The following USP7 variants were observed in gnomAD, a reference collection of about 807,000 sequenced individuals.
USP7 encodes ubiquitin specific peptidase 7.
Under a neutral mutation model 162.9 loss-of-function variants are expected in USP7, and 9 were observed. That is an observed-to-expected ratio of 0.06 (90% confidence interval 0.03 to 0.10). The LOEUF is 0.10. USP7 is among the 10% of genes least tolerant of loss of function. USP7 has a pLI of 1.00. For synonymous variants in USP7, 562 were observed against 475.9 expected, an observed-to-expected ratio of 1.18 and a Z score of -2.35; for missense variants, 715 against 1,373.7, an observed-to-expected ratio of 0.52 and a Z score of 7.58.
chr16:8,900,053 C>G (rs920293119), intron 21 of USP7: 1 of 470,006 alleles, frequency 2.1e-6, no homozygotes, highest in African/African-American at 2.0e-5. Context: ...CAGACCCAGA[C>G]GCAGTGTCTT....
intron 1 of USP7, among the ~76,000 whole-genome samples, chr16:8,939,862 G>A (rs1488338104): frequency 6.6e-6 from 1 of 152,208 alleles, no homozygotes; most frequent in Non-Finnish European, 1.5e-5. Flanking sequence ...CACTTTGGGA[G>A]GCCAAGGAGG....
chr16:8,923,195 G>C lies in USP7; in HGVS notation c.383+20C>G, dbSNP rs190121167. The C allele has an allele frequency of 7.1e-5, 8 of 112,682 alleles. No homozygotes were observed. The African/African-American group carries it at 1.3e-3, about 18-fold the overall frequency. 7.0% of individuals were successfully genotyped at this position (112,682 alleles called of 1,614,324 possible). On this transcript the variant is annotated intron_variant, in intron 3 of 30. Coordinates refer to ENST00000344836, the MANE Select transcript of USP7 (RefSeq NM_003470.3). ...CTAGGCTGATCAAATTTGGCTTCCA[G>C]TAATGAAATACTGTCTTACGTGGAA... is the stretch of plus-strand genomic sequence containing the variant.
chr16:8,894,936 C>G, intron 28 of USP7, 81 bp from the exon 29 acceptor site: 2 of 1,613,454 alleles, frequency 1.2e-6, no homozygotes, highest in Non-Finnish European at 1.7e-6. Flanking sequence ...CCAAAACCAA[C>G]GCCTAACCCC....
intron 1 of USP7, chr16:8,956,519 C>A (rs998041228): frequency 6.6e-6 from 1 of 152,332 alleles, no homozygotes; most frequent in Non-Finnish European, 1.5e-5. Context: ...AATCCCAACA[C>A]TTTGGGAGGC....
chr16:8,935,559 T>C (rs1329603214), intron 1 of USP7: 4 of 152,190 alleles, frequency 2.6e-5, no homozygotes, highest in Admixed American at 6.5e-5. Context: ...ACTGGGGACA[T>C]GTTTGGCAAA....
chr16:8,962,397 A>G, intron 1 of USP7: 1 of 313,330 alleles, frequency 3.2e-6, no homozygotes, highest in South Asian at 2.3e-5. Context: ...TTCACATCCA[A>G]CCTTTACAAC....
chr16:8,942,450 C>G (rs1290400461), intron 1 of USP7, among the ~76,000 whole-genome samples: 1 of 152,226 alleles, frequency 6.6e-6, no homozygotes, highest in Non-Finnish European at 1.5e-5. Flanking sequence ...CCACCTGCAC[C>G]TCACCCCAGC....
Position 8,905,063 on chromosome 16 carries a change from G to A in USP7, c.1573+124C>T, listed in dbSNP as rs895544155. The A allele has an allele frequency of 2.8e-5, 34 of 1,216,008 alleles. No homozygotes were observed. In the African/African-American group the frequency reaches 3.3e-4, roughly 12 times the overall value. The allele number at this position is 1,216,008 out of a possible 1,614,324, so 75.3% of individuals were successfully genotyped here. ...CAAGCCCAACCCTGCTCATTTCTGC[G>A]CTGCTGTGAATACAATGGAATAAGC... On this transcript the variant is annotated intron_variant, in intron 14 of 30. Transcript: ENST00000344836.
chr16:8,933,305 G>T (rs533471748), intron 1 of USP7, among the ~76,000 whole-genome samples: 1 of 152,048 alleles, frequency 6.6e-6, no homozygotes, highest in Non-Finnish European at 1.5e-5. Context: ...CAGCACTTGT[G>T]GGGGGCCAAG....
chr16:8,898,900 A>T (rs1382876233), intron 23 of USP7, among the ~76,000 whole-genome samples: 1 of 152,218 alleles, frequency 6.6e-6, no homozygotes, highest in Non-Finnish European at 1.5e-5. Flanking sequence ...TGCACTGAGG[A>T]TGTATCTAAA....
In USP7 at chr16:8,894,647, G is replaced by A. The variant is rs1567203578; in HGVS notation, c.3112-7C>T. On this transcript the variant is annotated splice_region_variant and splice_polypyrimidine_tract_variant and intron_variant, in intron 29 of 30. Transcript: ENST00000344836. ...TTACAATTGCAAATTTAAACTAAAA[G>A]AAAAAAAATTAAAACTCCTCCGTTA... The A allele has an allele frequency of 1.2e-6, 2 of 1,611,006 alleles. No homozygotes were observed. The highest frequency in any genetic ancestry group is 1.1e-5 in the South Asian group (1 of 90,740).
chr16:8,963,133 G>A (rs2141272653), intron 1 of USP7, 74 bp downstream of exon 1: 1 of 1,285,280 alleles, frequency 7.8e-7, no homozygotes, highest in Non-Finnish European at 1.0e-6. Context: ...AGCCCCTCGC[G>A]TGGCTCCCGC....
At position 8,927,245 on chromosome 16, in the gene USP7, C is replaced by A. The variant is rs540993363; in HGVS notation, c.184+3048G>T. Among the ~76,000 whole-genome samples the A allele has an allele frequency of 2.0e-4, 30 of 151,666 alleles. No homozygotes were observed. In the East Asian group the frequency reaches 5.6e-3, roughly 29 times the overall value. ...GCTGAGGCAGGAGAATCGCTTGAAC[C>A]CGGGAGGCAGAGGGTGAGGTGAACC... On this transcript the variant is annotated intron_variant, in intron 2 of 30. Coordinates refer to ENST00000344836, the MANE Select transcript of USP7 (RefSeq NM_003470.3).
intron 1 of USP7, among the ~76,000 whole-genome samples, chr16:8,951,187 A>G (rs1025145756): frequency 6.5e-4 from 6 of 9,252 alleles, no homozygotes; most frequent in Admixed American, 2.9e-3. Context: ...TTTGACTGCT[A>G]CAGTCACTTT....
At chr16:8,929,504 C>A (rs1233500847) in intron 2 of USP7, 1 of 455,890 alleles carries the variant, frequency 2.2e-6, no homozygotes, top group Non-Finnish European at 4.4e-6. Context: ...GGTGGTGCAG[C>A]CCGTGACTGA....
chr16:8,953,591 GGCGCCACCGGAAGCAGAGGGAAGACAC>G lies in USP7; in HGVS notation c.79+9589_79+9615del, dbSNP rs1899663529. ...CAGAGGGAAGACACGTGCCCCATGC[GGCGCCACCGGAAGCAGAGGGAAGACAC>G]GTGCCCCGTGCGGCGCCACCGGAAG... On this transcript the variant is annotated intron_variant, in intron 1 of 30. Coordinates refer to ENST00000344836, the MANE Select transcript of USP7 (RefSeq NM_003470.3). Among the ~76,000 whole-genome samples the G allele has an allele frequency of 1.1e-3, 95 of 84,512 alleles. 4 individuals carry two copies. Among genetic ancestry groups the G allele is most frequent in the African/African-American group, 3.4e-3 (79 of 23,214 alleles). The allele number at this position is 84,512 out of a possible 152,430, so 55.4% of individuals were successfully genotyped here.
chr16:8,941,007 C>T lies in USP7; in HGVS notation c.80-10610G>A, dbSNP rs567596163. Among the ~76,000 whole-genome samples the T allele has an allele frequency of 9.2e-5, 14 of 152,318 alleles. 1 individual carries two copies. The highest frequency in any genetic ancestry group is 5.9e-4 in the Admixed American group (9 of 15,304). ...CCTCCCACTCCAGGACCCTTCTTCT[C>T]GTCCAGCACTCAGGGACTCAAGGTT... On this transcript the variant is annotated intron_variant, in intron 1 of 30. Transcript: ENST00000344836.
intron 11 of USP7, among the ~76,000 whole-genome samples, chr16:8,910,254 C>T (rs2061925503): frequency 6.6e-6 from 1 of 152,178 alleles, no homozygotes; most frequent in Non-Finnish European, 1.5e-5. Context: ...GCCACCTGGT[C>T]GCCCACCATG....
At chr16:8,907,506 A>C (rs867882008) in intron 12 of USP7, among the ~76,000 whole-genome samples, 4 of 152,220 alleles carry the variant, frequency 2.6e-5, no homozygotes, top group African/African-American at 7.2e-5. Context: ...CTGTATTCTA[A>C]ATCAGATAAG....
Sources: allele counts gnomAD v4.1 joint callset (sites outside exome capture counted in the v4.1 genomes callset), GRCh38; gene constraint gnomAD v4.1.1; transcripts MANE v1.5; gene names NCBI Gene and HGNC (gene_info 2026-07-23, HGNC 2026-07-21).